FBLN5: variants seen among roughly 807,000 people sequenced by gnomAD.
FBLN5 encodes fibulin 5, also known as fibulin-5.
FBLN5 carries 24 observed loss-of-function variants against 61.6 expected under a neutral mutation model. That is an observed-to-expected ratio of 0.39 (90% CI 0.28 to 0.55). The LOEUF is 0.55. Ranked by LOEUF, FBLN5 falls within the 20% of genes least tolerant of loss-of-function variation. FBLN5 has a pLI of 0.65. For missense variants in FBLN5, 470 were observed against 594.1 expected (o/e 0.79, Z 2.17); for synonymous variants, 213 against 219.8 (o/e 0.97, Z 0.27).
chr14:91,916,317 C>T lies in FBLN5; in HGVS notation c.379+20630G>A, dbSNP rs141753995. 3.9e-4 allele frequency among the ~76,000 whole-genome samples: 60 copies of T among 152,142 alleles called. No homozygotes were observed. In the East Asian group the frequency reaches 0.011, roughly 27 times the overall value. ...ACAAAAATTAGCCAGGCCTGGTGGCCGGTGCCTGTAATCCCAGCTACTCAG... is the reference window on the plus strand; with the variant it reads ...ACAAAAATTAGCCAGGCCTGGTGGCTGGTGCCTGTAATCCCAGCTACTCAG... On this transcript the variant is annotated intron_variant, in intron 4 of 10. Transcript: ENST00000342058.
intron 4 of FBLN5, among the ~76,000 whole-genome samples, chr14:91,898,183 G>A (rs942390638): frequency 9.9e-5 from 15 of 151,810 alleles, no homozygotes; most frequent in Admixed American, 6.6e-4. Context: ...ATTTTGAGAC[G>A]TCAATAAGTC....
intron 10 of FBLN5, among the ~76,000 whole-genome samples, chr14:91,876,933 T>C (rs78704472): frequency 0.059 from 8,989 of 152,026 alleles, 900 homozygotes; most frequent in African/African-American, 0.21. Flanking sequence ...GCTCAAGCAA[T>C]CCTCCCATCT....
intron 5 of FBLN5, among the ~76,000 whole-genome samples, chr14:91,891,589 T>G (rs909834889): frequency 2.0e-5 from 3 of 152,176 alleles, no homozygotes; most frequent in African/African-American, 4.8e-5. Flanking sequence ...TCCTAAAAGT[T>G]GCAGAAGAAA....
chr14:91,942,925 T>A lies in FBLN5; in HGVS notation c.54A>T (p.Pro18=), dbSNP rs748040891. Residue 18 remains proline, a synonymous_variant, in exon 2 of 11, where the codon CCA becomes CCT. Coordinates refer to ENST00000342058, the MANE Select transcript of FBLN5 (RefSeq NM_006329.4). ...ATCTTACCTGTGCATTCCCAGGGCTTGGAAGACAGAGAGCCAGAATGGTAA... is the reference window on the plus strand; with the variant it reads ...ATCTTACCTGTGCATTCCCAGGGCTAGGAAGACAGAGAGCCAGAATGGTAA... ...LTVTILALCL[P]SPGNAQAQCT... is the part of the protein sequence containing the mutation. 1 of 1,548,914 alleles carries A rather than the reference T, an allele frequency of 6.5e-7. No individual in the cohort carries two copies. Among genetic ancestry groups the A allele is most frequent in the Non-Finnish European group, 8.7e-7 (1 of 1,143,588 alleles).
chr14:91,928,383 CT>C (rs1239338311), intron 4 of FBLN5, among the ~76,000 whole-genome samples: 1 of 152,194 alleles, frequency 6.6e-6, no homozygotes, highest in Non-Finnish European at 1.5e-5. Flanking sequence ...CATGTACTCC[CT>C]TCTCAGAATA....
intron 5 of FBLN5, 139 bp from the exon 6 acceptor site, chr14:91,891,476 AC>A (rs902972720): frequency 1.4e-6 from 1 of 733,390 alleles, no homozygotes; most frequent in Non-Finnish European, 2.5e-6. Flanking sequence ...GACAGTGCCT[AC>A]TGAGTGTCAC....
At chr14:91,915,686 C>CAAAAAAA (rs34675184) in intron 4 of FBLN5, among the ~76,000 whole-genome samples, 27 of 43,742 alleles carry the variant, frequency 6.2e-4, no homozygotes, top group Non-Finnish European at 8.4e-4. Context: ...GACTCCATCT[C>CAAAAAAA]AAAAAAAAAA....
At chr14:91,928,250 G>T (rs2055862645) in intron 4 of FBLN5, among the ~76,000 whole-genome samples, 1 of 152,230 alleles carries the variant, frequency 6.6e-6, no homozygotes, top group Non-Finnish European at 1.5e-5. Flanking sequence ...GTTTCCTAAA[G>T]ATTGGGAAGA....
rs550185033 is a variant in FBLN5 at position 91,943,183 on chromosome 14, C to T, written c.18-222G>A. On this transcript the variant is annotated intron_variant, in intron 1 of 10. Coordinates refer to ENST00000342058, the MANE Select transcript of FBLN5 (RefSeq NM_006329.4). The surrounding 1 kb of genome is among the most constrained non-coding windows in gnomAD (Gnocchi z 4.0). ...TGCATTGGGATCATGTGTTAGATCA[C>T]ACTTTTTAATAAAGGGTTTGGCTGC... is the stretch of plus-strand genomic sequence containing the variant. 1.3e-5 allele frequency among the ~76,000 whole-genome samples: 2 copies of T among 151,874 alleles called. No homozygotes were observed. Among genetic ancestry groups the T allele is most frequent in the South Asian group, 4.2e-4 (2 of 4,800 alleles).
intron 9 of FBLN5, among the ~76,000 whole-genome samples, chr14:91,878,765 T>C (rs957138407): frequency 6.6e-6 from 1 of 152,220 alleles, no homozygotes; most frequent in South Asian, 2.1e-4. Context: ...GCCTTTGGAC[T>C]CCTCCATCTA....
intron 4 of FBLN5, among the ~76,000 whole-genome samples, chr14:91,933,664 T>G (rs1442692295): frequency 6.6e-6 from 1 of 152,164 alleles, no homozygotes; most frequent in African/African-American, 2.4e-5. Context: ...TGCTTTAAAT[T>G]AATGCACTGA....
Position 91,943,051 on chromosome 14 carries a change from T to C in FBLN5, c.18-90A>G. On this transcript the variant is annotated intron_variant, in intron 1 of 10. Transcript: ENST00000342058. The surrounding 1 kb of genome is among the most constrained non-coding windows in gnomAD (Gnocchi z 4.0). ...GCATGCGGCCCGTGACGTGTAACGG[T>C]GATATCACCTTGGGCTTGTATGGGG... 2 of 854,668 alleles carry C rather than the reference T, an allele frequency of 2.3e-6. No homozygotes were observed. The highest frequency in any genetic ancestry group is 5.3e-5 in the East Asian group (2 of 37,736). 52.9% of individuals were successfully genotyped at this position (854,668 alleles called of 1,614,324 possible). A position where few individuals can be genotyped will look rare whatever the true frequency, so the allele number is the denominator to read the frequency against.
intron 5 of FBLN5, 86 bp from the exon 6 acceptor site, chr14:91,891,423 C>T: frequency 3.4e-6 from 3 of 884,846 alleles, no homozygotes; most frequent in South Asian, 2.6e-5. Context: ...CTTGCTCTTC[C>T]CAAACAGGAT....
At chr14:91,931,432 T>A (rs2055921750) in intron 4 of FBLN5, among the ~76,000 whole-genome samples, 1 of 152,202 alleles carries the variant, frequency 6.6e-6, no homozygotes, top group African/African-American at 2.4e-5. Flanking sequence ...AAGTACTGGC[T>A]GGCTTTCAGG....
At position 91,946,537 on chromosome 14, in the gene FBLN5, CA is replaced by C. The variant is rs1365110390; in HGVS notation, c.17+675del. 2.6e-5 allele frequency among the ~76,000 whole-genome samples: 4 copies of C among 152,126 alleles called. No homozygotes were observed. In the East Asian group the frequency reaches 5.8e-4, roughly 22 times the overall value. On this transcript the variant is annotated intron_variant, in intron 1 of 10. Transcript: ENST00000342058. ...TTTTCAGCACACACACACACACACA[CA>C]CACCCCACAGACACATACATACGCA... is the stretch of plus-strand genomic sequence containing the variant.
chr14:91,920,128 C>T (rs568782632), intron 4 of FBLN5, among the ~76,000 whole-genome samples: 22 of 152,204 alleles, frequency 1.4e-4, no homozygotes, highest in African/African-American at 5.1e-4. Context: ...GCAAGCCTTC[C>T]CTCCTCCTCA....
chr14:91,904,806 C>A (rs115835296), intron 4 of FBLN5, among the ~76,000 whole-genome samples: 1,814 of 152,324 alleles, frequency 0.012, 37 homozygotes, highest in African/African-American at 0.041. Flanking sequence ...TGGGCTTCAA[C>A]ATATGGATTT....
rs929917080 is a variant in FBLN5, at chr14:91,928,930, C to T, written c.379+8017G>A. ...AAAATTAGCCGGGTGCAGTGGCAGG[C>T]GCCTGTAGTCCCAGCTACTCGGGAG... On this transcript the variant is annotated intron_variant, in intron 4 of 10. Coordinates refer to ENST00000342058, the MANE Select transcript of FBLN5 (RefSeq NM_006329.4). Among the ~76,000 whole-genome samples the T allele has an allele frequency of 3.6e-3, 532 of 146,570 alleles. 5 individuals carry two copies. Among genetic ancestry groups the T allele is most frequent in the African/African-American group, 0.012 (490 of 39,400 alleles).
chr14:91,936,689 GTAGA>G (rs1455615604), intron 4 of FBLN5, among the ~76,000 whole-genome samples: 1 of 152,182 alleles, frequency 6.6e-6, no homozygotes, highest in African/African-American at 2.4e-5. Context: ...AGATAGGTAG[GTAGA>G]TAGATGAAAG....
Sources: gnomAD v4.1 joint callset for allele counts (sites outside exome capture counted in the v4.1 genomes callset) on GRCh38, gnomAD v4.1.1 for gene constraint, Gnocchi (gnomAD v3.1) non-coding constraint, MANE v1.5 for transcripts, NCBI Gene and HGNC (gene_info 2026-07-23, HGNC 2026-07-21) for gene names.